The following TIAM2 variants were observed in gnomAD, a reference collection of about 807,000 sequenced individuals.
TIAM2 encodes the protein TIAM Rac1 associated GEF 2.
TIAM2 carries 80 observed loss-of-function variants against 152.9 expected under a neutral mutation model. The observed-to-expected ratio is 0.52, with a 90% CI of 0.44 to 0.63. The LOEUF is 0.63. Among genes scored for constraint, TIAM2 ranks in the 30% least tolerant of loss-of-function variants. The pLI, the probability that TIAM2 is intolerant of heterozygous loss-of-function variation, is 0.00. For missense variants in TIAM2, 1,965 were observed against 2,120.1 expected (o/e 0.93, Z 1.44); for synonymous variants, 804 against 838.0 (o/e 0.96, Z 0.70).
chr6:155,118,513 A>T (rs1779070459), intron 2 of TIAM2, among the ~76,000 whole-genome samples: 1 of 146,458 alleles, frequency 6.8e-6, no homozygotes, highest in South Asian at 2.1e-4. Context: ...ACTCACCGCA[A>T]CCTTTGCCTC....
chr6:155,200,358 G>A (rs570394922), intron 14 of TIAM2, among the ~76,000 whole-genome samples: 16 of 152,268 alleles, frequency 1.1e-4, no homozygotes, highest in African/African-American at 3.4e-4. Flanking sequence ...TATATTTCCT[G>A]TGATTTGTTT....
intron 7 of TIAM2, among the ~76,000 whole-genome samples, chr6:155,161,966 T>C (rs1394414763): frequency 2.0e-5 from 3 of 151,784 alleles, no homozygotes; most frequent in African/African-American, 7.3e-5. Context: ...TTCTTTCCTT[T>C]TTTTCTTTTT....
At chr6:155,100,541 C>T (rs982633229) in intron 2 of TIAM2, among the ~76,000 whole-genome samples, 1 of 152,224 alleles carries the variant, frequency 6.6e-6, no homozygotes, top group African/African-American at 2.4e-5. Context: ...GCCACCATCA[C>T]TGTCACCTCC....
chr6:155,050,252 G>A (rs770257653), intron 1 of TIAM2, among the ~76,000 whole-genome samples: 3 of 152,050 alleles, frequency 2.0e-5, no homozygotes, highest in African/African-American at 4.8e-5. Context: ...GGCTGGTCTC[G>A]TGACCTCAAG....
intron 15 of TIAM2, among the ~76,000 whole-genome samples, chr6:155,219,993 C>T (rs1220677103): frequency 1.3e-5 from 2 of 152,198 alleles, no homozygotes; most frequent in Non-Finnish European, 2.9e-5. Context: ...AACAACAGAG[C>T]GTGGCAGGAA....
At chr6:155,178,701 A>C (rs1489588551) in intron 10 of TIAM2, among the ~76,000 whole-genome samples, 2 of 151,804 alleles carry the variant, frequency 1.3e-5, no homozygotes, top group East Asian at 3.9e-4. Context: ...CAGCCTCCCG[A>C]GTAGCTAGTA....
intron 15 of TIAM2, among the ~76,000 whole-genome samples, chr6:155,216,457 G>A (rs555981209): frequency 6.6e-6 from 1 of 152,334 alleles, no homozygotes; most frequent in Non-Finnish European, 1.5e-5. Flanking sequence ...GCTTTTGACA[G>A]CCCCGCAATT....
At chr6:155,230,380 T>C (rs1782418715) in intron 15 of TIAM2, among the ~76,000 whole-genome samples, 1 of 152,232 alleles carries the variant, frequency 6.6e-6, no homozygotes, top group Non-Finnish European at 1.5e-5. Flanking sequence ...CTGTGCACAG[T>C]TTAGCTGACT....
chr6:155,129,237 ACAGT>A lies in TIAM2; in HGVS notation c.19_22del (p.Gln7ThrfsTer23). On this transcript the variant is annotated frameshift_variant, in exon 4 of 27. Transcript: ENST00000682666. LOFTEE classifies it high-confidence loss of function. This position sits in a 1 kb window ranked among gnomAD's most constrained non-coding sequence, Gnocchi z 4.8. ...ATTTAGGTTAAAATGGGCAACTCCGACAGTCAGTACACCCTTCAAGGATCTAAAA... is the reference window on the plus strand; with the variant it reads ...ATTTAGGTTAAAATGGGCAACTCCGACAGTACACCCTTCAAGGATCTAAAA... 6.2e-7 allele frequency: 1 copy of A among 1,611,384 alleles called. No homozygotes were observed. The highest frequency in any genetic ancestry group is 1.1e-5 in the South Asian group (1 of 91,050).
chr6:155,059,837 A>T (rs945535510), intron 1 of TIAM2, among the ~76,000 whole-genome samples: 2 of 152,172 alleles, frequency 1.3e-5, no homozygotes, highest in Non-Finnish European at 2.9e-5. Context: ...TCTATTCATT[A>T]GAAGCAAGTT....
intron 1 of TIAM2, among the ~76,000 whole-genome samples, chr6:155,021,504 C>T (rs924543847): frequency 7.9e-5 from 12 of 152,054 alleles, no homozygotes; most frequent in Admixed American, 3.9e-4. Flanking sequence ...TCATGTGATC[C>T]GCCCGCTGCA....
chr6:155,028,427 AATATAT>A (rs900172899), intron 1 of TIAM2, among the ~76,000 whole-genome samples: 19 of 123,444 alleles, frequency 1.5e-4, no homozygotes, highest in Admixed American at 5.1e-4. Flanking sequence ...TACTACATAT[AATATAT>A]ATACTGTGTT....
chr6:155,146,261 G>T (rs551187488), intron 6 of TIAM2, among the ~76,000 whole-genome samples: 9 of 152,208 alleles, frequency 5.9e-5, no homozygotes, highest in Non-Finnish European at 1.2e-4. Flanking sequence ...CGCACCTGTG[G>T]TCCCAGCTAC....
intron 1 of TIAM2, among the ~76,000 whole-genome samples, chr6:154,998,849 C>T (rs946594925): frequency 6.6e-6 from 1 of 152,092 alleles, no homozygotes; most frequent in Non-Finnish European, 1.5e-5. Context: ...TATTCAAGTA[C>T]CTATAAGAAC....
intron 7 of TIAM2, among the ~76,000 whole-genome samples, chr6:155,150,012 A>C (rs1779916229): frequency 6.6e-6 from 1 of 152,068 alleles, no homozygotes; most frequent in Non-Finnish European, 1.5e-5. Context: ...ATACACCGAG[A>C]ATTTGGAATA....
chr6:155,001,955 G>A (rs2114836503), intron 1 of TIAM2, among the ~76,000 whole-genome samples: 1 of 152,252 alleles, frequency 6.6e-6, no homozygotes, highest in Non-Finnish European at 1.5e-5. Flanking sequence ...ATATAGTGAT[G>A]AATTTTAGTG....
intron 15 of TIAM2, among the ~76,000 whole-genome samples, chr6:155,235,110 A>C (rs1782688574): frequency 6.6e-6 from 1 of 152,150 alleles, no homozygotes; most frequent in African/African-American, 2.4e-5. Context: ...GGTCTCGCTG[A>C]AGCCTCCTTG....
At chr6:155,193,395 CCT>C (rs1255810082) in intron 14 of TIAM2, among the ~76,000 whole-genome samples, 21 of 119,768 alleles carry the variant, frequency 1.8e-4, no homozygotes, top group South Asian at 2.5e-4. Flanking sequence ...CAGAGCGAGA[CCT>C]TGTCTCAAAA....
intron 15 of TIAM2, among the ~76,000 whole-genome samples, chr6:155,238,073 C>T (rs1782863681): frequency 6.6e-6 from 1 of 152,202 alleles, no homozygotes; most frequent in Admixed American, 6.5e-5. Context: ...ATGCCTTTAC[C>T]AGCACTCAAG....
Sources: gnomAD v4.1 joint callset for allele counts (sites outside exome capture counted in the v4.1 genomes callset) on GRCh38, gnomAD v4.1.1 for gene constraint, Gnocchi (gnomAD v3.1) non-coding constraint, MANE v1.5 for transcripts, NCBI Gene and HGNC (gene_info 2026-07-23, HGNC 2026-07-21) for gene names.